CABLES1: variants seen among roughly 807,000 people sequenced by gnomAD.
CABLES1 encodes the protein Cdk5 and Abl enzyme substrate 1.
Under a neutral mutation model 57.8 loss-of-function variants are expected in CABLES1, and 36 were observed. The observed-to-expected ratio is 0.62, with a 90% CI of 0.48 to 0.82. The LOEUF is 0.82. Ranked by LOEUF, CABLES1 falls within the 40% of genes least tolerant of loss-of-function variation. The pLI is 0.00. For synonymous variants in CABLES1, 374 were observed against 363.0 expected (o/e 1.03, Z -0.35); for missense variants, 767 against 836.6 (o/e 0.92, Z 1.03).
chr18:23,200,582 A>G (rs2047318480), intron 3 of CABLES1, among the ~76,000 whole-genome samples: 1 of 152,228 alleles, frequency 6.6e-6, no homozygotes, highest in South Asian at 2.1e-4. Flanking sequence ...AGATTTTAAT[A>G]ATCATAGACT....
intron 1 of CABLES1, among the ~76,000 whole-genome samples, chr18:23,143,904 A>G (rs373550146): frequency 1.2e-4 from 19 of 152,334 alleles, no homozygotes; most frequent in African/African-American, 4.6e-4. Flanking sequence ...CTGGTATTTC[A>G]GGCGAGGCAG....
intron 7 of CABLES1, among the ~76,000 whole-genome samples, chr18:23,250,184 C>A (rs1324356790): frequency 6.6e-6 from 1 of 152,250 alleles, no homozygotes; most frequent in African/African-American, 2.4e-5. Context: ...GATCGTTAAG[C>A]AGCAGGATAT....
intron 4 of CABLES1, among the ~76,000 whole-genome samples, chr18:23,219,931 A>G (rs771680034): frequency 5.3e-5 from 8 of 152,280 alleles, no homozygotes; most frequent in Non-Finnish European, 1.2e-4. Flanking sequence ...AAAAATGGGC[A>G]GATCTGGTGG....
At chr18:23,249,105 T>C (rs2047975276) in intron 7 of CABLES1, among the ~76,000 whole-genome samples, 1 of 152,248 alleles carries the variant, frequency 6.6e-6, no homozygotes, top group Non-Finnish European at 1.5e-5. Context: ...GACTTGAGGA[T>C]TCCTGCCCTG....
In CABLES1 at chr18:23,135,682, C is replaced by T; in HGVS notation, c.-81C>T. On this transcript the variant is annotated 5_prime_UTR_variant, in exon 1 of 10. Coordinates refer to ENST00000256925, the MANE Select transcript of CABLES1 (RefSeq NM_001100619.3). ...CCGCGCCCTACCCAGCCCGGGTCGC[C>T]GCCGCTCGCGCCCGCCGCTTAGCGC... The T allele has an allele frequency of 2.0e-6, 2 of 981,652 alleles. No individual in the cohort carries two copies. Among genetic ancestry groups the T allele is most frequent in the Non-Finnish European group, 2.4e-6 (2 of 828,360 alleles). 60.8% of individuals were successfully genotyped at this position (981,652 alleles called of 1,614,324 possible). A position where few individuals can be genotyped will look rare whatever the true frequency, so the allele number is the denominator to read the frequency against.
chr18:23,250,533 G>C (rs933018334), intron 7 of CABLES1, among the ~76,000 whole-genome samples: 6 of 152,328 alleles, frequency 3.9e-5, no homozygotes, highest in East Asian at 3.9e-4. Context: ...TGTTGGAGAT[G>C]AAATAGAGCC....
intron 4 of CABLES1, among the ~76,000 whole-genome samples, chr18:23,233,286 T>C (rs2145080192): frequency 6.6e-6 from 1 of 152,288 alleles, no homozygotes; most frequent in East Asian, 1.9e-4. Flanking sequence ...TTTTAAAAAT[T>C]ACCGTAGGGG....
Position 23,257,604 on chromosome 18 carries a change from A to G in CABLES1, c.*237A>G, listed in dbSNP as rs547255499. 1.6e-4 allele frequency: 69 copies of G among 440,910 alleles called. No individual in the cohort carries two copies. The South Asian group carries it at 3.0e-3, about 19-fold the overall frequency. The allele number at this position is 440,910 out of a possible 1,614,324, so 27.3% of individuals were successfully genotyped here. A position where few individuals can be genotyped will look rare whatever the true frequency, so the allele number is the denominator to read the frequency against. On this transcript the variant is annotated 3_prime_UTR_variant, in exon 10 of 10. Transcript: ENST00000256925. ...AAGAGGAGGTGTGTGCTGAGAACAG[A>G]GAGGCCCTGCCCTCTGTCCACTAGC...
intron 3 of CABLES1, among the ~76,000 whole-genome samples, chr18:23,210,263 G>A (rs1477079390): frequency 6.6e-6 from 1 of 152,186 alleles, no homozygotes; most frequent in East Asian, 1.9e-4. Flanking sequence ...AATCTTTCAC[G>A]TAATATTTTC....
intron 1 of CABLES1, among the ~76,000 whole-genome samples, chr18:23,177,418 T>TACACTC (rs1555661680): frequency 1.0e-4 from 15 of 144,738 alleles, no homozygotes; most frequent in African/African-American, 3.8e-4. Context: ...AGCACATGTG[T>TACACTC]ACACACACAC....
intron 2 of CABLES1, among the ~76,000 whole-genome samples, chr18:23,191,080 CAAAA>C (rs10636287): frequency 3.1e-5 from 2 of 63,582 alleles, no homozygotes; most frequent in African/African-American, 1.0e-4. Flanking sequence ...CCCATCTCTA[CAAAA>C]AAAAAAAAAA....
chr18:23,182,739 G>A (rs2047176124), intron 1 of CABLES1, among the ~76,000 whole-genome samples: 1 of 152,220 alleles, frequency 6.6e-6, no homozygotes, highest in Admixed American at 6.5e-5. Context: ...TTTCCCCTGG[G>A]TGCCCACTGC....
Position 23,234,672 on chromosome 18 carries a change from C to G in CABLES1, c.1153C>G (p.Leu385Val). 1.2e-6 allele frequency: 2 copies of G among 1,613,792 alleles called. No individual in the cohort carries two copies. The highest frequency in any genetic ancestry group is 1.7e-6 in the Non-Finnish European group (2 of 1,179,840). ...AGTGAGTTTGAAAGAGATCATTGGT[C>G]TGGAAGGTGTGGAGCTGGGTGCTGA... ...GAVSLKEIIGLEGVELGADGK... is the reference protein window; with the variant it reads ...GAVSLKEIIGVEGVELGADGK... The change falls in exon 5 of 10, where the codon CTG becomes GTG. Residue 385 changes from leucine (L) to valine (V), a missense_variant. Physicochemically the swap from Leu to Val is conservative, Grantham distance 32 (BLOSUM62 1). Around this residue, in one of 4 missense-constraint regions of CABLES1, gnomAD observed 529 missense variants for 622.8 expected, o/e 0.85. Transcript: ENST00000256925.
At chr18:23,149,446 A>G (rs555070642) in intron 1 of CABLES1, among the ~76,000 whole-genome samples, 85 of 151,994 alleles carry the variant, frequency 5.6e-4, no homozygotes, top group African/African-American at 2.1e-3. Flanking sequence ...CCTTGCCAGT[A>G]AATTTTTGTA....
chr18:23,138,884 A>C (rs538697246), intron 1 of CABLES1, among the ~76,000 whole-genome samples: 1 of 152,164 alleles, frequency 6.6e-6, no homozygotes, highest in Non-Finnish European at 1.5e-5. Flanking sequence ...CTGCTCCAGA[A>C]TGTGGGCTTT....
chr18:23,186,622 A>G (rs1293481464), intron 1 of CABLES1, among the ~76,000 whole-genome samples: 2 of 152,000 alleles, frequency 1.3e-5, no homozygotes, highest in African/African-American at 4.8e-5. Flanking sequence ...ATGGGTCACC[A>G]TGTTGGCCAT....
At chr18:23,245,747 C>T (rs1411326368) in intron 7 of CABLES1, among the ~76,000 whole-genome samples, 1 of 152,232 alleles carries the variant, frequency 6.6e-6, no homozygotes, top group Non-Finnish European at 1.5e-5. Context: ...TCTCCTTTCC[C>T]TGTACGCAGC....
chr18:23,147,735 G>T (rs564939326), intron 1 of CABLES1, among the ~76,000 whole-genome samples: 2 of 152,188 alleles, frequency 1.3e-5, no homozygotes, highest in Admixed American at 6.5e-5. Flanking sequence ...AAGGTAGGGG[G>T]AATTCACATG....
At chr18:23,246,968 C>T (rs1049329520) in intron 7 of CABLES1, among the ~76,000 whole-genome samples, 4 of 152,224 alleles carry the variant, frequency 2.6e-5, no homozygotes, top group African/African-American at 7.2e-5. Flanking sequence ...GCTGGGGTTA[C>T]AGGTAAGAGC....
Sources: gnomAD v4.1 joint callset for allele counts (sites outside exome capture counted in the v4.1 genomes callset) on GRCh38, gnomAD v4.1.1 for gene constraint, gnomAD v4.1.1 regional missense constraint, MANE v1.5 for transcripts, NCBI Gene and HGNC (gene_info 2026-07-23, HGNC 2026-07-21) for gene names.